GTF3A: variants seen among roughly 807,000 people sequenced by gnomAD.
GTF3A encodes general transcription factor IIIA, also known as transcription factor IIIA.
In GTF3A, 40 loss-of-function variants were observed where a neutral mutation model predicts 37.6. The ratio of observed to expected loss-of-function variants is 1.06; its 90% CI spans 0.83 to 1.38. The LOEUF is 1.38. Among genes scored for constraint, GTF3A ranks in the 40% most tolerant of loss-of-function variants. The pLI is 0.00. For synonymous variants in GTF3A, 191 were observed against 166.7 expected, an observed-to-expected ratio of 1.15 and a Z score of -1.12; for missense variants, 500 against 462.6, an observed-to-expected ratio of 1.08 and a Z score of -0.74.
intron 2 of GTF3A, among the ~76,000 whole-genome samples, chr13:27,427,689 T>C (rs574020866): frequency 1.3e-5 from 2 of 151,568 alleles, no homozygotes; most frequent in East Asian, 3.9e-4. Flanking sequence ...GAGGGGTGAG[T>C]AGTGGGTGTT....
intron 4 of GTF3A, 33 bp from the exon 5 acceptor site, chr13:27,432,698 G>A: frequency 6.4e-7 from 1 of 1,554,878 alleles, no homozygotes; most frequent in Non-Finnish European, 8.8e-7. Flanking sequence ...TGTGAAAATG[G>A]ATTGGCTAAT....
At chr13:27,435,353 TG>T in intron 8 of GTF3A, 79 bp from the exon 9 acceptor site, 1 of 1,404,148 alleles carries the variant, frequency 7.1e-7, no homozygotes. Flanking sequence ...CTATATCTGC[TG>T]GTACATATGA....
At chr13:27,424,989 CG>C in intron 1 of GTF3A, 51 bp downstream of exon 1, 1 of 1,396,344 alleles carries the variant, frequency 7.2e-7, no homozygotes, top group Non-Finnish European at 9.8e-7. Flanking sequence ...CGCGTGGCCC[CG>C]GGGTAGCCAC....
rs750863203 is a variant in GTF3A at position 27,435,139 on chromosome 13, C to T, written c.880C>T (p.Leu294Phe). The change falls in exon 8 of 9, where the codon CTC becomes TTC. Residue 294 changes from leucine (L) to phenylalanine (F), a missense_variant. Transcript: ENST00000381140. The stretch of plus-strand genomic sequence containing the variant: ...ACTTTCTCTTTCATTGTAGCAAAGT[C>T]TCACTAGGCATGCTGTTGTACATGA... The T allele has an allele frequency of 6.2e-7, 1 of 1,609,706 alleles. No individual in the cohort carries two copies. The highest frequency in any genetic ancestry group is 1.1e-5 in the South Asian group (1 of 90,378).
Position 27,430,611 on chromosome 13 carries a change from C to T in GTF3A, c.478C>T (p.Pro160Ser). Residue 160 changes from proline to serine, a missense_variant, in exon 4 of 9, where the codon CCT (proline) becomes TCT (serine). Physicochemically the swap from Pro to Ser is moderately conservative, Grantham distance 74 (BLOSUM62 -1). Transcript: ENST00000381140. ...CCATCAGTGCCAGCATACCAATGAA[C>T]CTCTATTCAAGTAGGTACTTCATGT... 6.2e-7 allele frequency: 1 copy of T among 1,603,340 alleles called. No individual in the cohort carries two copies. The highest frequency in any genetic ancestry group is 8.5e-7 in the Non-Finnish European group (1 of 1,170,646).
At chr13:27,429,749 CTATTT>C in intron 2 of GTF3A, 116 bp from the exon 3 acceptor site, 1 of 556,292 alleles carries the variant, frequency 1.8e-6, no homozygotes, top group Non-Finnish European at 3.2e-6. Flanking sequence ...TTCGCTAAGA[CTATTT>C]TATAGTATTA....
rs1953591752 is a variant in GTF3A at position 27,424,950 on chromosome 13, G to T, written c.201+12G>T. 1.9e-6 allele frequency: 3 copies of T among 1,539,764 alleles called. No homozygotes were observed. The South Asian group carries it at 3.6e-5, about 19-fold the overall frequency. ...AGCACACGGGGGAGGTGAGGGGGGCGAGGCTGCCAACCCTGGGCCTAGGGA... is the reference window on the plus strand; with the variant it reads ...AGCACACGGGGGAGGTGAGGGGGGCTAGGCTGCCAACCCTGGGCCTAGGGA... On this transcript the variant is annotated intron_variant, in intron 1 of 8. Transcript: ENST00000381140.
intron 8 of GTF3A, 33 bp from the exon 9 acceptor site, chr13:27,435,400 A>G: frequency 6.3e-7 from 1 of 1,595,614 alleles, no homozygotes; most frequent in East Asian, 2.2e-5. Flanking sequence ...TTTGATTTTG[A>G]ATTCTAATCG....
Position 27,434,805 on chromosome 13 carries a change from A to G in GTF3A, c.644A>G (p.Glu215Gly), listed in dbSNP as rs200137415. Residue 215 changes from glutamate to glycine, a missense_variant and splice_region_variant, in exon 7 of 9, where the codon GAG becomes GGG. Physicochemically the swap from Glu to Gly is moderately conservative, Grantham distance 98. Coordinates refer to ENST00000381140, the MANE Select transcript of GTF3A (RefSeq NM_002097.3). ...GAAATTTGTCTGTCTGTCCCACCAG[A>G]GGAAATACTATGTGAAGTATGCCGG... The G allele has an allele frequency of 1.0e-3, 1,611 of 1,590,078 alleles. 4 individuals are homozygous for G. The highest frequency in any genetic ancestry group is 9.1e-4 in the Non-Finnish European group (1,062 of 1,161,078).
At chr13:27,428,025 G>C (rs1265610135) in intron 2 of GTF3A, among the ~76,000 whole-genome samples, 1 of 152,148 alleles carries the variant, frequency 6.6e-6, no homozygotes, top group Admixed American at 6.5e-5. Flanking sequence ...TGTAATCCCA[G>C]CACTTTGAGA....
chr13:27,434,740 T>TATTA, intron 6 of GTF3A, 65 bp from the exon 7 acceptor site: 1 of 795,430 alleles, frequency 1.3e-6, no homozygotes, highest in African/African-American at 1.7e-5. Flanking sequence ...ATATATTAGG[T>TATTA]ATTAATTTTT....
chr13:27,428,236 T>C (rs1953623948), intron 2 of GTF3A, among the ~76,000 whole-genome samples: 1 of 152,200 alleles, frequency 6.6e-6, no homozygotes, highest in Non-Finnish European at 1.5e-5. Flanking sequence ...CAGTGACCCA[T>C]AGCAAAGATA....
chr13:27,428,543 G>C (rs1434624260), intron 2 of GTF3A, among the ~76,000 whole-genome samples: 1 of 152,120 alleles, frequency 6.6e-6, no homozygotes, highest in East Asian at 1.9e-4. Flanking sequence ...TGCTTGACTT[G>C]CAGGCATGAA....
chr13:27,424,628 G>A lies in GTF3A; in HGVS notation c.-110G>A. The A allele has an allele frequency of 1.4e-6, 1 of 698,886 alleles. No individual in the cohort carries two copies. Among genetic ancestry groups the A allele is most frequent in the Non-Finnish European group, 2.0e-6 (1 of 499,012 alleles). 43.3% of individuals were successfully genotyped at this position (698,886 alleles called of 1,614,324 possible). A position where few individuals can be genotyped will look rare whatever the true frequency, so the allele number is the denominator to read the frequency against. ...CCGCGCGCGCTCCCGGAAGTGTGCC[G>A]GCGTCGCGCGAAGGTTCAGCAGGGA... On this transcript the variant is annotated 5_prime_UTR_variant, in exon 1 of 9. Transcript: ENST00000381140.
Position 27,424,938 on chromosome 13 carries a change from G to T in GTF3A, c.201G>T (p.Glu67Asp), listed in dbSNP as rs1408488331. 3 of 1,544,004 alleles carry T rather than the reference G, an allele frequency of 1.9e-6. No homozygotes were observed. The highest frequency in any genetic ancestry group is 4.0e-5 in the Admixed American group (2 of 50,004). ...CGCACCTGTGCAAGCACACGGGGGA[G>T]GTGAGGGGGGCGAGGCTGCCAACCC... Residue 67 changes from glutamate (E) to aspartate (D), a missense_variant and splice_region_variant, in exon 1 of 9, where the codon GAG becomes GAT. Coordinates refer to ENST00000381140, the MANE Select transcript of GTF3A (RefSeq NM_002097.3).
Position 27,427,209 on chromosome 13 carries a change from T to C in GTF3A, c.302+17T>C. The C allele has an allele frequency of 7.7e-7, 1 of 1,298,412 alleles. No homozygotes were observed. Among genetic ancestry groups the C allele is most frequent in the Non-Finnish European group, 1.1e-6 (1 of 899,562 alleles). The allele number at this position is 1,298,412 out of a possible 1,614,324, so 80.4% of individuals were successfully genotyped here. A position where few individuals can be genotyped will look rare whatever the true frequency, so the allele number is the denominator to read the frequency against. The stretch of plus-strand genomic sequence containing the variant: ...GCCGTTTGTGTAAGTAGAGACCTGT[T>C]TTTAGGCTTTTGAAGTGGGTTGTGT... On this transcript the variant is annotated intron_variant, in intron 2 of 8. Coordinates refer to ENST00000381140, the MANE Select transcript of GTF3A (RefSeq NM_002097.3).
chr13:27,433,990 T>C (rs562141706), intron 5 of GTF3A, 149 bp from the exon 6 acceptor site: 1 of 580,334 alleles, frequency 1.7e-6, no homozygotes, highest in African/African-American at 1.9e-5. Context: ...TCAATCTTTT[T>C]TTAGTTTTTA....
At position 27,435,415 on chromosome 13, in the gene GTF3A, T is replaced by C; in HGVS notation, c.934-18T>C. On this transcript the variant is annotated intron_variant, in intron 8 of 8. Coordinates refer to ENST00000381140, the MANE Select transcript of GTF3A (RefSeq NM_002097.3). ...TTTGATTTTGAATTCTAATCGTGTG[T>C]CTTCCTTATTCCCAAAGGTCAAAAA... is the stretch of plus-strand genomic sequence containing the variant. The C allele has an allele frequency of 6.2e-7, 1 of 1,607,070 alleles. No individual in the cohort carries two copies. Among genetic ancestry groups the C allele is most frequent in the South Asian group, 1.1e-5 (1 of 90,244 alleles).
intron 2 of GTF3A, 144 bp from the exon 3 acceptor site, chr13:27,429,726 T>C: frequency 1.9e-6 from 1 of 534,038 alleles, no homozygotes; most frequent in Non-Finnish European, 3.4e-6. Context: ...TGGTATGGCT[T>C]AACACTCTGG....
Sources: allele counts gnomAD v4.1 joint callset (sites outside exome capture counted in the v4.1 genomes callset), GRCh38; gene constraint gnomAD v4.1.1; transcripts MANE v1.5; gene names NCBI Gene and HGNC (gene_info 2026-07-23, HGNC 2026-07-21).